The following PCDH11Y variants were observed in gnomAD, a reference collection of about 807,000 sequenced individuals.
PCDH11Y encodes protocadherin 11 Y-linked.
For synonymous variants in PCDH11Y, 9 were observed against 83.6 expected (o/e 0.11, Z 4.87); for missense variants, 12 against 224.8 (o/e 0.05, Z 6.05).
At chrY:5,310,021 CA>C (rs1287449010) in intron 2 of PCDH11Y, among the ~76,000 whole-genome samples, 13 of 5,346 alleles carry the variant, frequency 2.4e-3, no homozygotes, top group Admixed American at 6.5e-3. Context: ...AATTTGGTTG[CA>C]AAAAAAAAAA....
At chrY:5,516,673 C>T in intron 3 of PCDH11Y, among the ~76,000 whole-genome samples, 1 of 32,542 alleles carries the variant, frequency 3.1e-5, no homozygotes, top group African/African-American at 1.2e-4. Flanking sequence ...TGTGAATCTG[C>T]AAGTCATTTT....
At chrY:5,385,900 G>T (rs2053214308) in intron 2 of PCDH11Y, among the ~76,000 whole-genome samples, 3 of 32,948 alleles carry the variant, frequency 9.1e-5, no homozygotes, top group Non-Finnish European at 1.5e-4. Context: ...GTAGATTCTG[G>T]ATATTAGTCC....
chrY:5,169,917 C>T, intron 2 of PCDH11Y, among the ~76,000 whole-genome samples: 1 of 31,933 alleles, frequency 3.1e-5, no homozygotes, highest in South Asian at 6.9e-4. Context: ...TTATTCATAA[C>T]ACAGTTATTG....
chrY:5,527,195 G>A, intron 3 of PCDH11Y, among the ~76,000 whole-genome samples: 1 of 33,183 alleles, frequency 3.0e-5, no homozygotes, highest in African/African-American at 1.2e-4. Context: ...CTGGTCTGTT[G>A]TTTTGTTAAA....
At chrY:5,586,094 T>C (rs2124697897) in intron 4 of PCDH11Y, among the ~76,000 whole-genome samples, 3 of 31,979 alleles carry the variant, frequency 9.4e-5, no homozygotes, top group Admixed American at 8.7e-4. Flanking sequence ...TTTGGTACCA[T>C]ATAAATTTTT....
At chrY:5,729,686 T>C in intron 4 of PCDH11Y, among the ~76,000 whole-genome samples, 1 of 33,302 alleles carries the variant, frequency 3.0e-5, no homozygotes, top group South Asian at 6.5e-4. Context: ...AGTCATAAAT[T>C]CTTTGCAAAG....
chrY:5,334,374 G>A, intron 2 of PCDH11Y, among the ~76,000 whole-genome samples: 4 of 34,171 alleles, frequency 1.2e-4, no homozygotes, highest in Admixed American at 5.3e-4. Flanking sequence ...TTAAAGGTTA[G>A]AAGCAAGATG....
chrY:5,593,790 C>T (rs1222269674), intron 4 of PCDH11Y, among the ~76,000 whole-genome samples: 1 of 31,808 alleles, frequency 3.1e-5, no homozygotes, highest in Non-Finnish European at 7.6e-5. Flanking sequence ...GGCCAAGTCT[C>T]TGCTCCCAAC....
intron 4 of PCDH11Y, among the ~76,000 whole-genome samples, chrY:5,593,471 G>T (rs2053464140): frequency 3.1e-5 from 1 of 32,712 alleles, no homozygotes. Context: ...GCATCTCAAT[G>T]ATCTTAGTTT....
chrY:5,721,596 G>A, intron 4 of PCDH11Y, among the ~76,000 whole-genome samples: 2 of 31,306 alleles, frequency 6.4e-5, no homozygotes, highest in African/African-American at 2.5e-4. Context: ...GGCTGAGAAC[G>A]GATACCAAAT....
chrY:5,632,196 GATTA>G (rs2053512961), intron 4 of PCDH11Y, among the ~76,000 whole-genome samples: 1 of 31,547 alleles, frequency 3.2e-5, no homozygotes, highest in African/African-American at 1.2e-4. Flanking sequence ...TTAATATGAG[GATTA>G]ATTGAGAGAG....
chrY:5,242,099 C>A (rs2052989063), intron 2 of PCDH11Y, among the ~76,000 whole-genome samples: 5 of 28,182 alleles, frequency 1.8e-4, no homozygotes, highest in African/African-American at 2.8e-4. Flanking sequence ...AAAAAAAAAA[C>A]AAAAAACAGC....
intron 4 of PCDH11Y, among the ~76,000 whole-genome samples, chrY:5,675,262 C>T: frequency 3.0e-5 from 1 of 33,581 alleles, no homozygotes; most frequent in African/African-American, 1.2e-4. Flanking sequence ...TGAGAACTCA[C>T]TATCATGAGA....
At chrY:5,424,927 T>C in intron 2 of PCDH11Y, among the ~76,000 whole-genome samples, 1 of 31,682 alleles carries the variant, frequency 3.2e-5, no homozygotes, top group African/African-American at 1.2e-4. Flanking sequence ...TCTGCAAGCC[T>C]TGACCTCCCA....
At chrY:5,105,094 T>G, downstream of PCDH11Y, 1 of 101,968 alleles carries the variant, frequency 9.8e-6, no homozygotes, top group Non-Finnish European at 1.3e-5. Context: ...TACAAAAAAT[T>G]AGCTGGGCGT....
At chrY:5,408,259 T>C (rs2124678014) in intron 2 of PCDH11Y, among the ~76,000 whole-genome samples, 1 of 33,104 alleles carries the variant, frequency 3.0e-5, no homozygotes, top group Non-Finnish European at 7.4e-5. Context: ...AATAATAGTG[T>C]ATAGATATAT....
At chrY:5,106,226 C>G, downstream of PCDH11Y, among the ~76,000 whole-genome samples, 1 of 31,490 alleles carries the variant, frequency 3.2e-5, no homozygotes, top group Non-Finnish European at 7.7e-5. Context: ...TACAAAGGAC[C>G]CTTATAATGA....
At chrY:5,353,002 C>CT (rs1394639685) in intron 2 of PCDH11Y, among the ~76,000 whole-genome samples, 43 of 26,066 alleles carry the variant, frequency 1.6e-3, no homozygotes, top group African/African-American at 3.1e-3. Context: ...CAGCATTAGC[C>CT]TTTTTTTTTT....
intron 4 of PCDH11Y, among the ~76,000 whole-genome samples, chrY:5,653,560 G>GA: frequency 3.1e-5 from 1 of 32,515 alleles, no homozygotes; most frequent in Non-Finnish European, 7.5e-5. Flanking sequence ...GAAGTTTAGA[G>GA]AAAAAAAGCG....
Sources: allele counts gnomAD v4.1 joint callset (sites outside exome capture counted in the v4.1 genomes callset), GRCh38; gene constraint gnomAD v4.1.1; transcripts MANE v1.5; gene names NCBI Gene and HGNC (gene_info 2026-07-23, HGNC 2026-07-21).